The following GATB variants were observed in gnomAD, a reference collection of about 807,000 sequenced individuals.
GATB encodes glutamyl-tRNA amidotransferase subunit B, also known as glutamyl-tRNA(Gln) amidotransferase subunit B, mitochondrial.
A neutral mutation model predicts 62.3 loss-of-function variants in GATB; 39 were observed. The ratio of observed to expected loss-of-function variants is 0.63; its 90% CI spans 0.48 to 0.82. The LOEUF (loss-of-function observed/expected upper bound fraction) is 0.82, where lower values mean the gene tolerates loss of function less well. Ranked by LOEUF, GATB falls within the 40% of genes least tolerant of loss-of-function variation. The probability of loss-of-function intolerance (pLI) is 0.00; values close to 1 mark genes in which losing one functional copy is unlikely to be tolerated. For missense variants in GATB, 670 were observed against 684.0 expected, an observed-to-expected ratio of 0.98 and a Z score of 0.23; for synonymous variants, 276 against 258.9, an observed-to-expected ratio of 1.07 and a Z score of -0.63.
intron 2 of GATB, chr4:151,724,117 G>C (rs1409167638): frequency 6.6e-6 from 1 of 152,106 alleles, no homozygotes; most frequent in African/African-American, 2.4e-5. Flanking sequence ...TTGAGAAACA[G>C]GCTTCTAGTT....
chr4:151,745,126 G>A (rs1353766075), intron 2 of GATB, among the ~76,000 whole-genome samples: 1 of 152,086 alleles, frequency 6.6e-6, no homozygotes, highest in Admixed American at 6.5e-5. Flanking sequence ...TCATTGAAAT[G>A]GAAAGAAATT....
At chr4:151,697,963 A>ATG (rs1413805224) in intron 9 of GATB, among the ~76,000 whole-genome samples, 1 of 116,708 alleles carries the variant, frequency 8.6e-6, no homozygotes, top group Non-Finnish European at 1.7e-5. Flanking sequence ...GTATATATAT[A>ATG]TATATATATA....
At chr4:151,671,659 T>TAATC (rs1273310310) in intron 12 of GATB, among the ~76,000 whole-genome samples, 2 of 152,182 alleles carry the variant, frequency 1.3e-5, no homozygotes, top group Non-Finnish European at 2.9e-5. Flanking sequence ...TCACTGCGTC[T>TAATC]AATCAGTGAG....
At chr4:151,699,775 A>G (rs1209564343) in intron 9 of GATB, among the ~76,000 whole-genome samples, 1 of 143,642 alleles carries the variant, frequency 7.0e-6, no homozygotes, top group African/African-American at 2.9e-5. Context: ...GGAGACAGCT[A>G]ATACACACAC....
chr4:151,729,125 TAGTA>T (rs772825652), intron 2 of GATB, among the ~76,000 whole-genome samples: 11 of 152,148 alleles, frequency 7.2e-5, no homozygotes, highest in Non-Finnish European at 1.6e-4. Flanking sequence ...AGAGGCTTCT[TAGTA>T]AGTCATAAAA....
At chr4:151,705,295 T>C (rs759787040) in intron 6 of GATB, 26 bp from the exon 7 acceptor site, 31 of 1,467,230 alleles carry the variant, frequency 2.1e-5, no homozygotes, top group Non-Finnish European at 3.0e-5. Flanking sequence ...TAATTTAGCA[T>C]CATATTTTGA....
At chr4:151,686,634 G>T (rs1738251323) in intron 10 of GATB, among the ~76,000 whole-genome samples, 6 of 123,210 alleles carry the variant, frequency 4.9e-5, no homozygotes, top group African/African-American at 7.7e-5. Context: ...TGGCTTCTGT[G>T]TCACCAGTCC....
intron 2 of GATB, among the ~76,000 whole-genome samples, chr4:151,735,500 A>C (rs2126989321): frequency 6.6e-6 from 1 of 152,188 alleles, no homozygotes; most frequent in East Asian, 1.9e-4. Context: ...GTGGGAATGT[A>C]AACTAGTACA....
At chr4:151,738,323 G>C (rs766549373) in intron 2 of GATB, among the ~76,000 whole-genome samples, 10 of 152,168 alleles carry the variant, frequency 6.6e-5, no homozygotes, top group Non-Finnish European at 1.3e-4. Context: ...CTGAATCATG[G>C]GGGCAGGTCT....
chr4:151,696,482 T>A (rs1471708062), intron 9 of GATB, among the ~76,000 whole-genome samples: 1 of 152,202 alleles, frequency 6.6e-6, no homozygotes, highest in African/African-American at 2.4e-5. Flanking sequence ...TATAGCACAT[T>A]ATATATGCAA....
intron 2 of GATB, among the ~76,000 whole-genome samples, chr4:151,748,460 T>G (rs940865548): frequency 3.3e-5 from 5 of 152,238 alleles, no homozygotes; most frequent in Non-Finnish European, 5.9e-5. Flanking sequence ...GCTAGCCATA[T>G]GTAGAAAGCT....
chr4:151,731,993 G>A (rs553678140), intron 2 of GATB, among the ~76,000 whole-genome samples: 1 of 138,158 alleles, frequency 7.2e-6, no homozygotes, highest in Non-Finnish European at 1.6e-5. Context: ...CAGCCGCCCC[G>A]TCCGGGAGGG....
chr4:151,712,687 A>C (rs570451862), intron 5 of GATB, among the ~76,000 whole-genome samples: 8 of 152,198 alleles, frequency 5.3e-5, no homozygotes, highest in Non-Finnish European at 1.2e-4. Flanking sequence ...TACAAAGCTC[A>C]CTCATCTAGA....
intron 2 of GATB, among the ~76,000 whole-genome samples, chr4:151,725,485 G>A (rs1401307156): frequency 6.6e-6 from 1 of 152,174 alleles, no homozygotes; most frequent in Non-Finnish European, 1.5e-5. Flanking sequence ...CCACTCTCTA[G>A]TCTGTCCAAT....
At chr4:151,732,646 C>T (rs985269843) in intron 2 of GATB, among the ~76,000 whole-genome samples, 3 of 151,238 alleles carry the variant, frequency 2.0e-5, no homozygotes, top group African/African-American at 7.3e-5. Flanking sequence ...ATCTGCTGAC[C>T]TTCCCTCCAC....
chr4:151,683,653 G>C lies in GATB; in HGVS notation c.1332-3762C>G, dbSNP rs538202811. ...ATGGCAAACTTCTGGAAAGAGCTAG[G>C]GTGCGCATATTTGAGGCTTGGTGAG... is the stretch of plus-strand genomic sequence containing the variant. On this transcript the variant is annotated intron_variant, in intron 10 of 12. Coordinates refer to ENST00000263985, the MANE Select transcript of GATB (RefSeq NM_004564.3). Among the ~76,000 whole-genome samples, 37 of 152,294 alleles carry C rather than the reference G, an allele frequency of 2.4e-4. 2 individuals are homozygous for C. The South Asian group carries it at 7.5e-3, about 31-fold the overall frequency.
chr4:151,690,731 G>A (rs185804892), intron 9 of GATB, among the ~76,000 whole-genome samples: 4 of 152,236 alleles, frequency 2.6e-5, no homozygotes, highest in Admixed American at 1.3e-4. Flanking sequence ...TGGATAACAC[G>A]GCAAGTCAGA....
chr4:151,747,269 T>A (rs755324206), intron 2 of GATB, among the ~76,000 whole-genome samples: 3 of 152,172 alleles, frequency 2.0e-5, no homozygotes, highest in Non-Finnish European at 2.9e-5. Context: ...TGGGATGGCT[T>A]CCTGCATAAA....
chr4:151,679,782 C>G, intron 11 of GATB, 31 bp downstream of exon 11: 1 of 1,580,070 alleles, frequency 6.3e-7, no homozygotes. Context: ...GACAGTAGCA[C>G]AGTCAGAAGC....
Sources: allele counts gnomAD v4.1 joint callset (sites outside exome capture counted in the v4.1 genomes callset), GRCh38; gene constraint gnomAD v4.1.1; transcripts MANE v1.5; gene names NCBI Gene and HGNC (gene_info 2026-07-23, HGNC 2026-07-21).